KCNH1: variants seen among roughly 807,000 people sequenced by gnomAD.
KCNH1 encodes the protein voltage-gated delayed rectifier potassium channel KCNH1.
A neutral mutation model predicts 69.2 loss-of-function variants in KCNH1; 27 were observed. That is an observed-to-expected ratio of 0.39 (90% CI 0.29 to 0.54). KCNH1 has a LOEUF of 0.54. Among genes scored for constraint, KCNH1 ranks in the 20% least tolerant of loss-of-function variants. The pLI, the probability that KCNH1 is intolerant of heterozygous loss-of-function variation, is 0.68. For missense variants in KCNH1, 798 were observed against 1,261.6 expected, an observed-to-expected ratio of 0.63 and a Z score of 5.57; for synonymous variants, 456 against 487.7, an observed-to-expected ratio of 0.93 and a Z score of 0.86.
At chr1:210,997,041 A>G (rs112692711) in intron 6 of KCNH1, among the ~76,000 whole-genome samples, 18,374 of 152,224 alleles carry the variant, frequency 0.12, 1,254 homozygotes, top group Non-Finnish European at 0.15. Flanking sequence ...CCAAAAGTAG[A>G]TAAAACCACA....
rs570959383 is a variant in KCNH1 at position 211,001,841 on chromosome 1, G to C, written c.1032+16942C>G. ...ACGGAATACTATGCAGCCATAAAAAGGATGAGTTCATGTCCTTTGTAGGGA... is the reference window on the plus strand; with the variant it reads ...ACGGAATACTATGCAGCCATAAAAACGATGAGTTCATGTCCTTTGTAGGGA... On this transcript the variant is annotated intron_variant, in intron 6 of 10. Coordinates refer to ENST00000271751, the MANE Select transcript of KCNH1 (RefSeq NM_172362.3). Among the ~76,000 whole-genome samples the C allele has an allele frequency of 5.0e-3, 761 of 151,896 alleles. 8 individuals are homozygous for C. The highest frequency in any genetic ancestry group is 0.018 in the African/African-American group (725 of 41,310).
chr1:210,843,812 C>A (rs1468641490), intron 7 of KCNH1, among the ~76,000 whole-genome samples: 4 of 152,138 alleles, frequency 2.6e-5, no homozygotes, highest in African/African-American at 4.8e-5. Context: ...ACTCTTAGAG[C>A]ACAGATAGAC....
intron 3 of KCNH1, among the ~76,000 whole-genome samples, chr1:211,093,627 G>T (rs1019494921): frequency 6.6e-6 from 1 of 152,148 alleles, no homozygotes; most frequent in Non-Finnish European, 1.5e-5. Flanking sequence ...CCATTCCTTT[G>T]CAGTATCTAA....
chr1:210,997,247 C>T (rs183473499), intron 6 of KCNH1, among the ~76,000 whole-genome samples: 1 of 151,906 alleles, frequency 6.6e-6, no homozygotes, highest in Admixed American at 6.6e-5. Flanking sequence ...CAATGGCAAA[C>T]AAGTTAAAAA....
chr1:211,090,574 C>A lies in KCNH1; in HGVS notation c.427G>T (p.Asp143Tyr). Residue 143 changes from aspartate (D) to tyrosine (Y), a missense_variant, in exon 4 of 11, where the codon GAT becomes TAT. By Grantham distance (160) the Asp-to-Tyr change is radical. Around this residue, in one of 4 missense-constraint regions of KCNH1, gnomAD observed 266 missense variants for 457.2 expected, o/e 0.58. Transcript: ENST00000271751. ...ITAFKQPIED[D>Y]SCKGWGKFAR... Reference sequence around the variant, plus strand: ...CAGAATTACAAACCTTTACATGAATCATCCTCAATTGGCTGTTTGAAAGCT... The same window carrying A: ...CAGAATTACAAACCTTTACATGAATAATCCTCAATTGGCTGTTTGAAAGCT... 1 of 1,602,688 alleles carries A rather than the reference C, an allele frequency of 6.2e-7. No individual in the cohort carries two copies. The highest frequency in any genetic ancestry group is 8.5e-7 in the Non-Finnish European group (1 of 1,177,568).
intron 7 of KCNH1, among the ~76,000 whole-genome samples, chr1:210,896,979 G>C (rs1686882268): frequency 6.6e-6 from 1 of 152,138 alleles, no homozygotes; most frequent in South Asian, 2.1e-4. Context: ...TTTTGGTCTT[G>C]GCAGACATAT....
chr1:211,107,494 T>G (rs1273698985), intron 1 of KCNH1, 117 bp from the exon 2 acceptor site: 1 of 1,032,086 alleles, frequency 9.7e-7, no homozygotes, highest in Non-Finnish European at 1.4e-6. Flanking sequence ...CTCCAAAACA[T>G]AGACTCTTGA....
At chr1:210,844,025 T>C (rs1685481813) in intron 7 of KCNH1, among the ~76,000 whole-genome samples, 1 of 152,190 alleles carries the variant, frequency 6.6e-6, no homozygotes, top group Non-Finnish European at 1.5e-5. Context: ...ACTTCTGTCA[T>C]GGCCCATGTT....
intron 7 of KCNH1, among the ~76,000 whole-genome samples, chr1:210,917,223 G>GAA (rs1558524701): frequency 0.014 from 1,170 of 82,964 alleles, 7 homozygotes; most frequent in African/African-American, 0.028. Flanking sequence ...GAGAGAGAGA[G>GAA]AGAGAGAGAA....
intron 7 of KCNH1, among the ~76,000 whole-genome samples, chr1:210,813,936 C>G (rs1425181097): frequency 6.6e-6 from 1 of 152,212 alleles, no homozygotes; most frequent in East Asian, 1.9e-4. Flanking sequence ...CAAGTTTTCT[C>G]TCTTGTCTGC....
intron 7 of KCNH1, among the ~76,000 whole-genome samples, chr1:210,806,745 G>T (rs376670248): frequency 3.5e-5 from 5 of 144,320 alleles, no homozygotes; most frequent in African/African-American, 1.3e-4. Context: ...CGAGGCAGGC[G>T]GATCACCTGA....
intron 7 of KCNH1, chr1:210,862,337 G>C (rs1685996822): frequency 1.4e-6 from 1 of 708,834 alleles, no homozygotes; most frequent in Non-Finnish European, 2.6e-6. Flanking sequence ...GCCAGGAATA[G>C]CACTACTCAC....
intron 10 of KCNH1, among the ~76,000 whole-genome samples, chr1:210,702,057 T>C (rs541835624): frequency 6.6e-6 from 1 of 152,346 alleles, no homozygotes; most frequent in African/African-American, 2.4e-5. Context: ...GAATTTTCAA[T>C]GTATTTGTTT....
chr1:210,713,168 A>G (rs1682121154), intron 10 of KCNH1, among the ~76,000 whole-genome samples: 2 of 152,266 alleles, frequency 1.3e-5, no homozygotes, highest in Admixed American at 6.5e-5. Context: ...GCTTAGATGC[A>G]TAAACACAAG....
chr1:210,691,411 A>G (rs1681525564), intron 10 of KCNH1, among the ~76,000 whole-genome samples: 3 of 144,206 alleles, frequency 2.1e-5, no homozygotes. Context: ...AGGTGGGTAC[A>G]TTATTATCCT....
At chr1:210,864,093 T>C (rs28402221) in intron 7 of KCNH1, among the ~76,000 whole-genome samples, 34,221 of 152,106 alleles carry the variant, frequency 0.22, 3,911 homozygotes, top group African/African-American at 0.28. Context: ...ACAGGAAACA[T>C]GCAGAGGGTT....
intron 1 of KCNH1, among the ~76,000 whole-genome samples, chr1:211,118,869 G>A (rs557992654): frequency 3.7e-4 from 56 of 152,282 alleles, no homozygotes; most frequent in African/African-American, 1.1e-3. Context: ...TGGCAATTAC[G>A]CAGATAAAAG....
intron 10 of KCNH1, among the ~76,000 whole-genome samples, chr1:210,733,506 A>C (rs1682795965): frequency 6.6e-6 from 1 of 152,236 alleles, no homozygotes; most frequent in Non-Finnish European, 1.5e-5. Context: ...GATCTGGGTT[A>C]AGGCTCTGCA....
chr1:210,734,846 C>A (rs1393227990), intron 10 of KCNH1, among the ~76,000 whole-genome samples: 1 of 152,254 alleles, frequency 6.6e-6, no homozygotes, highest in African/African-American at 2.4e-5. Context: ...AGGAAATAAT[C>A]TAGTTGCAGA....
Sources: allele counts gnomAD v4.1 joint callset (sites outside exome capture counted in the v4.1 genomes callset), GRCh38; gene constraint gnomAD v4.1.1; regional missense constraint gnomAD v4.1.1; transcripts MANE v1.5; gene names NCBI Gene and HGNC (gene_info 2026-07-23, HGNC 2026-07-21).